ACTN1: variants seen among roughly 807,000 people sequenced by gnomAD.
ACTN1 encodes actinin alpha 1, also known as alpha-actinin-1.
In ACTN1, 30 loss-of-function variants were observed where a neutral mutation model predicts 119.6. The ratio of observed to expected loss-of-function variants is 0.25; its 90% CI spans 0.19 to 0.34. The LOEUF (loss-of-function observed/expected upper bound fraction) is 0.34. Ranked by LOEUF, ACTN1 falls within the 10% of genes least tolerant of loss-of-function variation. The probability of loss-of-function intolerance (pLI) is 1.00; values close to 1 mark genes in which losing one functional copy is unlikely to be tolerated. For missense variants in ACTN1, 764 were observed against 1,223.4 expected, an observed-to-expected ratio of 0.62 and a Z score of 5.60; for synonymous variants, 429 against 472.6, an observed-to-expected ratio of 0.91 and a Z score of 1.20.
At chr14:68,877,359 CCT>C in intron 20 of ACTN1, 119 bp from the exon 21 acceptor site, 4 of 1,247,292 alleles carry the variant, frequency 3.2e-6, no homozygotes, top group Non-Finnish European at 2.2e-6. Context: ...GGCACATCCC[CCT>C]GACCTAACCT....
At chr14:68,938,820 TCA>T (rs2140479876) in intron 1 of ACTN1, among the ~76,000 whole-genome samples, 1 of 152,296 alleles carries the variant, frequency 6.6e-6, no homozygotes, top group African/African-American at 2.4e-5. Flanking sequence ...AGTTAATCAT[TCA>T]CAGAGCAAGA....
In ACTN1 at chr14:68,892,064, T is replaced by C. The variant is rs761766788; in HGVS notation, c.1075A>G (p.Arg359Gly). ...NRPAFMPSEG[R>G]MVSDINNAWG... ...CCCCCAGTGCTCACCGAGACCATCCTGCCCTCAGAGGGCATGAAGGCAGGC... is the reference window on the plus strand; with the variant it reads ...CCCCCAGTGCTCACCGAGACCATCCCGCCCTCAGAGGGCATGAAGGCAGGC... Residue 359 changes from arginine to glycine, a missense_variant, in exon 10 of 22, where the codon AGG (arginine) becomes GGG (glycine). Around this residue, in one of 4 missense-constraint regions of ACTN1, gnomAD observed 544 missense variants for 912.0 expected, o/e 0.60. Coordinates refer to ENST00000394419, the MANE Select transcript of ACTN1 (RefSeq NM_001130004.2). The C allele has an allele frequency of 3.1e-5, 50 of 1,613,602 alleles. No individual in the cohort carries two copies. Among genetic ancestry groups the C allele is most frequent in the Non-Finnish European group, 4.0e-5 (47 of 1,179,988 alleles).
At chr14:68,969,713 A>G (rs2036820063) in intron 1 of ACTN1, among the ~76,000 whole-genome samples, 2 of 152,234 alleles carry the variant, frequency 1.3e-5, no homozygotes, top group South Asian at 2.1e-4. Flanking sequence ...CCAAGACCCC[A>G]TATTGGGGGT....
intron 1 of ACTN1, among the ~76,000 whole-genome samples, chr14:68,933,405 G>A (rs986751022): frequency 6.6e-6 from 1 of 152,086 alleles, no homozygotes; most frequent in African/African-American, 2.4e-5. Flanking sequence ...CAAAGTGCTG[G>A]GATTACAGGC....
At chr14:68,973,705 G>C (rs1318643327) in intron 1 of ACTN1, 1 of 152,160 alleles carries the variant, frequency 6.6e-6, no homozygotes, top group Non-Finnish European at 1.5e-5. Context: ...CTACTCCTAA[G>C]GCTCCTTGTC....
chr14:68,942,875 C>A (rs766401840), intron 1 of ACTN1, among the ~76,000 whole-genome samples: 1 of 152,132 alleles, frequency 6.6e-6, no homozygotes, highest in African/African-American at 2.4e-5. Context: ...ATCTGCATAT[C>A]CATCACAGGA....
intron 8 of ACTN1, among the ~76,000 whole-genome samples, chr14:68,898,832 T>C (rs1416646885): frequency 6.6e-6 from 1 of 151,678 alleles, no homozygotes; most frequent in Non-Finnish European, 1.5e-5. Context: ...GAAGGGGGCA[T>C]GGGGAGGTGG....
intron 8 of ACTN1, among the ~76,000 whole-genome samples, chr14:68,895,635 G>C (rs2032819407): frequency 6.6e-6 from 1 of 152,214 alleles, no homozygotes; most frequent in South Asian, 2.1e-4. Flanking sequence ...TCAAACAGCT[G>C]AAACCCCTTG....
At position 68,890,097 on chromosome 14, in the gene ACTN1, AG is replaced by A. The variant is rs753554141; in HGVS notation, c.1234+41del. 31 of 1,603,494 alleles carry A rather than the reference AG, an allele frequency of 1.9e-5. No individual in the cohort carries two copies. The Middle Eastern group carries it at 5.0e-4, about 26-fold the overall frequency. ...TGCTGGCTGGGCTGAAGAGTAGGGAAGTGAAGCCCTGGGGGGAGGCAGGAGG... is the reference window on the plus strand; with the variant it reads ...TGCTGGCTGGGCTGAAGAGTAGGGAATGAAGCCCTGGGGGGAGGCAGGAGG... On this transcript the variant is annotated intron_variant, in intron 11 of 21. Transcript: ENST00000394419.
At position 68,878,385 on chromosome 14, in the gene ACTN1, T is replaced by TC; in HGVS notation, c.2427+72dup. 6.6e-7 allele frequency: 1 copy of TC among 1,507,044 alleles called. No homozygotes were observed. Among genetic ancestry groups the TC allele is most frequent in the Non-Finnish European group, 8.8e-7 (1 of 1,130,354 alleles). 93.4% of individuals were successfully genotyped at this position (1,507,044 alleles called of 1,614,324 possible). On this transcript the variant is annotated intron_variant, in intron 20 of 21. Coordinates refer to ENST00000394419, the MANE Select transcript of ACTN1 (RefSeq NM_001130004.2). This position sits in a 1 kb window ranked among gnomAD's most constrained non-coding sequence, Gnocchi z 4.4. Reference sequence around the variant, plus strand: ...AGCCTGAGGGCCTCCAGCCTGCCACTCCTGGGACTTGGCTGCTCCCGCCAG... The same window carrying TC: ...AGCCTGAGGGCCTCCAGCCTGCCACTCCCTGGGACTTGGCTGCTCCCGCCAG...
At chr14:68,965,271 T>C (rs1337778741) in intron 1 of ACTN1, among the ~76,000 whole-genome samples, 1 of 152,198 alleles carries the variant, frequency 6.6e-6, no homozygotes, top group Non-Finnish European at 1.5e-5. Flanking sequence ...GGCTTGGGCA[T>C]TCTATTGATT....
At chr14:68,892,322 C>A (rs754666085) in intron 9 of ACTN1, 39 bp from the exon 10 acceptor site, 2 of 1,577,038 alleles carry the variant, frequency 1.3e-6, no homozygotes, top group African/African-American at 2.7e-5. Flanking sequence ...GGTGAGGAGG[C>A]GGGGAGGGAG....
At chr14:68,967,943 A>G (rs1161172732) in intron 1 of ACTN1, among the ~76,000 whole-genome samples, 1 of 152,240 alleles carries the variant, frequency 6.6e-6, no homozygotes, top group Non-Finnish European at 1.5e-5. Flanking sequence ...ATATAAACTC[A>G]TTTAGAAGCA....
At position 68,889,508 on chromosome 14, in the gene ACTN1, T is replaced by C. The variant is rs539601001; in HGVS notation, c.1234+631A>G. 6.0e-4 allele frequency among the ~76,000 whole-genome samples: 92 copies of C among 152,312 alleles called. 1 individual carries two copies. The highest frequency in any genetic ancestry group is 3.4e-3 in the Middle Eastern group (1 of 294). ...CAGACATAATTCCTTAAGATGACATTATACGGCTGGGCACAGTGGCTCACG... is the reference window on the plus strand; with the variant it reads ...CAGACATAATTCCTTAAGATGACATCATACGGCTGGGCACAGTGGCTCACG... On this transcript the variant is annotated intron_variant, in intron 11 of 21. Coordinates refer to ENST00000394419, the MANE Select transcript of ACTN1 (RefSeq NM_001130004.2).
intron 3 of ACTN1, among the ~76,000 whole-genome samples, chr14:68,915,041 T>C (rs2034210395): frequency 6.6e-6 from 1 of 152,176 alleles, no homozygotes; most frequent in African/African-American, 2.4e-5. Context: ...CCTGAATGAA[T>C]GCACTTGCTG....
In ACTN1 at chr14:68,953,652, G is replaced by A. The variant is rs537801764; in HGVS notation, c.105+25300C>T. ...CCAGCACTTTGGGAGGCCGAGGCAG[G>A]CAGATCATGAGGTCAGGAGTTCCAG... On this transcript the variant is annotated intron_variant, in intron 1 of 21. Coordinates refer to ENST00000394419, the MANE Select transcript of ACTN1 (RefSeq NM_001130004.2). Among the ~76,000 whole-genome samples the A allele has an allele frequency of 2.0e-4, 31 of 151,830 alleles. No individual in the cohort carries two copies. In the South Asian group the frequency reaches 6.4e-3, roughly 32 times the overall value.
rs527681913 is a variant in ACTN1 at position 68,928,248 on chromosome 14, G to C, written c.106-2576C>G. On this transcript the variant is annotated intron_variant, in intron 1 of 21. Transcript: ENST00000394419. ...TGAAAGAGGAAAAGTGCTGTTGAAA[G>C]CAGCCAGCCCCCTTTCCTGGAAAAG... Among the ~76,000 whole-genome samples the C allele has an allele frequency of 6.8e-4, 104 of 152,300 alleles. 2 individuals are homozygous for C. In the South Asian group the frequency reaches 0.021, roughly 31 times the overall value.
intron 8 of ACTN1, among the ~76,000 whole-genome samples, chr14:68,895,957 G>A (rs765315832): frequency 1.3e-5 from 2 of 152,068 alleles, no homozygotes; most frequent in African/African-American, 2.4e-5. Context: ...AGATCCAACC[G>A]CATTCCCAAG....
Position 68,885,717 on chromosome 14 carries a change from T to C in ACTN1, c.1235-142A>G. 1 of 989,616 alleles carries C rather than the reference T, an allele frequency of 1.0e-6. No homozygotes were observed. The highest frequency in any genetic ancestry group is 1.4e-6 in the Non-Finnish European group (1 of 689,780). 61.3% of individuals were successfully genotyped at this position (989,616 alleles called of 1,614,324 possible). A position where few individuals can be genotyped will look rare whatever the true frequency, so the allele number is the denominator to read the frequency against. On this transcript the variant is annotated intron_variant, in intron 11 of 21. Transcript: ENST00000394419. This position sits in a 1 kb window ranked among gnomAD's most constrained non-coding sequence, Gnocchi z 5.6. ...GCCCATTGTGCAGGGATCTGCAGGG[T>C]GCAAAAGCAGATGTGCAACTAGAAC...
Sources: allele counts gnomAD v4.1 joint callset (sites outside exome capture counted in the v4.1 genomes callset), GRCh38; gene constraint gnomAD v4.1.1; regional missense constraint gnomAD v4.1.1; non-coding constraint Gnocchi (gnomAD v3.1); transcripts MANE v1.5; gene names NCBI Gene and HGNC (gene_info 2026-07-23, HGNC 2026-07-21).